Variants in CLIC5 observed in about 807,000 individuals in gnomAD.
CLIC5 encodes chloride intracellular channel protein 5.
CLIC5 carries 20 observed loss-of-function variants against 24.7 expected under a neutral mutation model. The ratio of observed to expected loss-of-function variants is 0.81; its 90% confidence interval spans 0.57 to 1.18. The LOEUF (loss-of-function observed/expected upper bound fraction) is 1.18, where lower values mean the gene tolerates loss of function less well. Among genes scored for constraint, CLIC5 ranks in the 50% most tolerant of loss-of-function variants. The probability of loss-of-function intolerance (pLI) is 0.00; values close to 1 mark genes in which losing one functional copy is unlikely to be tolerated. For missense variants in CLIC5, 341 were observed against 326.1 expected (o/e 1.05, Z -0.35); for synonymous variants, 159 against 135.6 (o/e 1.17, Z -1.20).
chr6:45,890,506 G>A (rs542397922), intron 6 of CLIC5, among the ~76,000 whole-genome samples: 1 of 152,104 alleles, frequency 6.6e-6, no homozygotes, highest in Non-Finnish European at 1.5e-5. Context: ...CAGTATAGTG[G>A]TTCCTCCAAA....
chr6:45,939,628 A>G (rs1764061455), intron 4 of CLIC5, among the ~76,000 whole-genome samples: 1 of 152,120 alleles, frequency 6.6e-6, no homozygotes. Flanking sequence ...CTGAGATCCC[A>G]GGTGGACATA....
rs1318326713 is a variant in CLIC5, at chr6:45,898,620, C to T, written c.*4468G>A. On this transcript the variant is annotated 3_prime_UTR_variant, in exon 6 of 6. Coordinates refer to ENST00000339561, the MANE Select transcript of CLIC5 (RefSeq NM_016929.5). ...CTTGAAAGCAAGTCCTGTTATTCATCACCATAGTTAAAGGTCTCGAGAAAA... is the reference window on the plus strand; with the variant it reads ...CTTGAAAGCAAGTCCTGTTATTCATTACCATAGTTAAAGGTCTCGAGAAAA... 6.6e-6 allele frequency: 1 copy of T among 152,622 alleles called. No homozygotes were observed. The highest frequency in any genetic ancestry group is 6.5e-5 in the Admixed American group (1 of 15,280). 9.5% of individuals were successfully genotyped at this position (152,622 alleles called of 1,614,324 possible). A position where few individuals can be genotyped will look rare whatever the true frequency, so the allele number is the denominator to read the frequency against.
At chr6:46,069,483 C>G (rs1762530242) in intron 1 of CLIC5, among the ~76,000 whole-genome samples, 1 of 152,110 alleles carries the variant, frequency 6.6e-6, no homozygotes. Flanking sequence ...AATTCCTGGA[C>G]ACATACACCC....
At chr6:46,022,983 C>G (rs1038801350) in intron 1 of CLIC5, among the ~76,000 whole-genome samples, 12 of 152,100 alleles carry the variant, frequency 7.9e-5, no homozygotes, top group African/African-American at 2.9e-4. Context: ...TTGCAAGACC[C>G]ACAGGATATA....
intron 1 of CLIC5, among the ~76,000 whole-genome samples, chr6:45,956,488 T>C (rs540374637): frequency 4.2e-4 from 59 of 139,642 alleles, no homozygotes; most frequent in Middle Eastern, 7.4e-3. Flanking sequence ...TTTTTTTTTT[T>C]CAAAAGAAAG....
chr6:46,002,424 C>T (rs936565635), intron 1 of CLIC5, among the ~76,000 whole-genome samples: 1 of 152,134 alleles, frequency 6.6e-6, no homozygotes, highest in Admixed American at 6.5e-5. Flanking sequence ...TGGGCCAATG[C>T]CACATCTTGG....
At chr6:45,981,961 G>A (rs1765582762) in intron 1 of CLIC5, among the ~76,000 whole-genome samples, 1 of 150,326 alleles carries the variant, frequency 6.7e-6, no homozygotes, top group East Asian at 1.9e-4. Context: ...TTGCAGCATT[G>A]TACTCCAGCC....
chr6:45,991,173 T>C (rs1366224525), intron 1 of CLIC5, among the ~76,000 whole-genome samples: 2 of 152,248 alleles, frequency 1.3e-5, no homozygotes, highest in Non-Finnish European at 2.9e-5. Context: ...GGAAAGATTT[T>C]CTGCAGATGT....
intron 1 of CLIC5, among the ~76,000 whole-genome samples, chr6:45,998,566 A>G (rs928449400): frequency 1.3e-5 from 2 of 152,214 alleles, no homozygotes; most frequent in Non-Finnish European, 2.9e-5. Context: ...GAATATTTCA[A>G]CACATGCAGG....
the CLIC5 span, among the ~76,000 whole-genome samples, chr6:46,128,125 G>A: frequency 6.6e-6 from 1 of 152,140 alleles, no homozygotes; most frequent in Non-Finnish European, 1.5e-5. Flanking sequence ...TAAATATATA[G>A]AGGATAACAA....
intron 1 of CLIC5, among the ~76,000 whole-genome samples, chr6:46,006,768 C>T (rs954704492): frequency 3.3e-5 from 5 of 151,468 alleles, no homozygotes; most frequent in South Asian, 2.1e-4. Flanking sequence ...ATCCACCTCC[C>T]GGGTTCAAGC....
At chr6:45,983,251 G>T (rs1465966788) in intron 1 of CLIC5, among the ~76,000 whole-genome samples, 1 of 152,138 alleles carries the variant, frequency 6.6e-6, no homozygotes, top group Admixed American at 6.5e-5. Context: ...ATGCTGGGGA[G>T]GACTTGGATA....
At chr6:45,897,053 T>G (rs778267982), downstream of CLIC5, among the ~76,000 whole-genome samples, 2 of 152,190 alleles carry the variant, frequency 1.3e-5, no homozygotes, top group Non-Finnish European at 2.9e-5. Flanking sequence ...GTTTCAGGGT[T>G]TGTTGATTTA....
chr6:45,929,019 A>G (rs1763621590), intron 4 of CLIC5, among the ~76,000 whole-genome samples: 1 of 152,086 alleles, frequency 6.6e-6, no homozygotes, highest in Non-Finnish European at 1.5e-5. Flanking sequence ...ATTCCACCAC[A>G]TGGAATGGTG....
At chr6:45,977,041 T>A (rs1263219889) in intron 1 of CLIC5, among the ~76,000 whole-genome samples, 1 of 152,248 alleles carries the variant, frequency 6.6e-6, no homozygotes, top group Non-Finnish European at 1.5e-5. Context: ...TTCAGGGCTT[T>A]GTCTTTTGCA....
intron 4 of CLIC5, among the ~76,000 whole-genome samples, chr6:45,929,381 G>T (rs1763636829): frequency 6.6e-6 from 1 of 152,180 alleles, no homozygotes; most frequent in African/African-American, 2.4e-5. Flanking sequence ...AGGAGACGAG[G>T]ACATGCAAGT....
chr6:45,893,543 C>G (rs1762370435), downstream of CLIC5, among the ~76,000 whole-genome samples: 1 of 152,164 alleles, frequency 6.6e-6, no homozygotes, highest in Admixed American at 6.5e-5. Flanking sequence ...TTCCACAAAT[C>G]CCAGAGCAGG....
chr6:46,050,804 AC>A (rs1768080752), intron 1 of CLIC5, among the ~76,000 whole-genome samples: 1 of 151,296 alleles, frequency 6.6e-6, no homozygotes, highest in African/African-American at 2.4e-5. Flanking sequence ...TCAAGAAACT[AC>A]CCTTGAGATT....
the CLIC5 span, among the ~76,000 whole-genome samples, chr6:46,104,416 C>T: frequency 1.3e-5 from 2 of 152,174 alleles, no homozygotes; most frequent in African/African-American, 4.8e-5. Context: ...GTGTCAAGTT[C>T]TCAGGCGAGT....
Sources: allele counts gnomAD v4.1 joint callset (sites outside exome capture counted in the v4.1 genomes callset), GRCh38; gene constraint gnomAD v4.1.1; transcripts MANE v1.5; gene names NCBI Gene and HGNC (gene_info 2026-07-23, HGNC 2026-07-21).